The following NRXN3 variants were observed in gnomAD, a reference collection of about 807,000 sequenced individuals.
NRXN3 encodes neurexin 3.
Under a neutral mutation model 137.6 loss-of-function variants are expected in NRXN3, and 32 were observed. That is an observed-to-expected ratio of 0.23 (90% CI 0.18 to 0.31). The LOEUF is 0.31. Among genes scored for constraint, NRXN3 ranks in the 10% least tolerant of loss-of-function variants. NRXN3 has a pLI of 1.00. For synonymous variants in NRXN3, 798 were observed against 784.5 expected (o/e 1.02, Z -0.29); for missense variants, 1,574 against 2,062.5 (o/e 0.76, Z 4.59).
chr14:78,320,396 T>C (rs2079184882), intron 4 of NRXN3, among the ~76,000 whole-genome samples: 1 of 152,196 alleles, frequency 6.6e-6, no homozygotes, highest in Non-Finnish European at 1.5e-5. Context: ...GGCGTTAATC[T>C]CCTTTGAACA....
At chr14:79,450,773 C>T (rs1009015413) in intron 15 of NRXN3, among the ~76,000 whole-genome samples, 3 of 151,438 alleles carry the variant, frequency 2.0e-5, no homozygotes, top group South Asian at 2.1e-4. Flanking sequence ...GGCTGAGGCA[C>T]GAGAATCACT....
At chr14:78,370,352 G>A (rs1466101538) in intron 4 of NRXN3, among the ~76,000 whole-genome samples, 1 of 149,154 alleles carries the variant, frequency 6.7e-6, no homozygotes, top group Admixed American at 6.7e-5. Context: ...GTTTCCTCTT[G>A]AGATGTCCTT....
At chr14:79,363,004 A>ATT (rs11368184) in intron 15 of NRXN3, among the ~76,000 whole-genome samples, 68 of 143,050 alleles carry the variant, frequency 4.8e-4, no homozygotes, top group African/African-American at 1.6e-3. Flanking sequence ...TAGAATTGGA[A>ATT]TTTTTTTTTT....
intron 4 of NRXN3, among the ~76,000 whole-genome samples, chr14:78,524,815 A>G (rs2153806130): frequency 6.6e-6 from 1 of 152,290 alleles, no homozygotes; most frequent in Admixed American, 6.5e-5. Context: ...AAATGTTTTA[A>G]AATGGCATCA....
chr14:78,296,450 T>C (rs1171655590), intron 3 of NRXN3, among the ~76,000 whole-genome samples: 1 of 152,202 alleles, frequency 6.6e-6, no homozygotes, highest in Non-Finnish European at 1.5e-5. Context: ...TTTATTTCTA[T>C]GGAAGTTTCT....
At chr14:78,409,719 G>A (rs779189637) in intron 4 of NRXN3, among the ~76,000 whole-genome samples, 1 of 152,148 alleles carries the variant, frequency 6.6e-6, no homozygotes, top group Non-Finnish European at 1.5e-5. Flanking sequence ...CACACATAAG[G>A]AGCTTATTGA....
At chr14:79,222,379 A>T (rs1294310322) in intron 15 of NRXN3, among the ~76,000 whole-genome samples, 1 of 152,074 alleles carries the variant, frequency 6.6e-6, no homozygotes, top group Non-Finnish European at 1.5e-5. Context: ...CTGCTGAATA[A>T]TGTTCCCTTG....
rs1375832753 is a variant in NRXN3, at chr14:78,550,597, G to C, written c.758-94523G>C. 5.3e-5 allele frequency among the ~76,000 whole-genome samples: 8 copies of C among 151,906 alleles called. No homozygotes were observed. In the East Asian group the frequency reaches 1.4e-3, roughly 26 times the overall value. On this transcript the variant is annotated intron_variant, in intron 4 of 20. Transcript: ENST00000335750. ...AAGCACCAGTTGAGAATGTATTTTT[G>C]TGTGAGCAGGGTGTTATCAGTAAGG...
chr14:79,068,966 T>A (rs4903821), intron 15 of NRXN3, among the ~76,000 whole-genome samples: 89,305 of 151,898 alleles, frequency 0.59, 26,983 homozygotes, highest in East Asian at 0.81. Flanking sequence ...TTTGATTAAC[T>A]TGTTAATACT....
chr14:78,415,630 AGCATCCCTGCT>A (rs1337785046), intron 4 of NRXN3, among the ~76,000 whole-genome samples: 2 of 152,164 alleles, frequency 1.3e-5, no homozygotes, highest in African/African-American at 4.8e-5. Flanking sequence ...CCAAAGTGGA[AGCATCCCTGCT>A]GCTATGGACT....
intron 16 of NRXN3, among the ~76,000 whole-genome samples, chr14:79,617,587 A>G (rs1044934065): frequency 6.6e-5 from 10 of 152,154 alleles, no homozygotes; most frequent in African/African-American, 2.4e-4. Context: ...TAGCAGAAAC[A>G]GAGATCCACA....
intron 4 of NRXN3, among the ~76,000 whole-genome samples, chr14:78,616,356 C>T (rs1243046695): frequency 6.6e-6 from 1 of 152,164 alleles, no homozygotes; most frequent in East Asian, 1.9e-4. Context: ...TTTCTGCTCT[C>T]CCTCCCCTCC....
intron 16 of NRXN3, among the ~76,000 whole-genome samples, chr14:79,606,701 A>G (rs1206834245): frequency 2.6e-5 from 4 of 152,224 alleles, no homozygotes; most frequent in African/African-American, 7.2e-5. Context: ...TTGAGCATCT[A>G]TTACGTGCCA....
rs530063274 is a variant in NRXN3 at position 79,070,168 on chromosome 14, G to A, written c.3262+82027G>A. ...CTATGTTTGTTCGGGATAGCACCAC[G>A]CATCCTTTTAAATTGGTAGTTTGAC... On this transcript the variant is annotated intron_variant, in intron 15 of 20. Coordinates refer to ENST00000335750, the MANE Select transcript of NRXN3 (RefSeq NM_001330195.2). 6.6e-5 allele frequency among the ~76,000 whole-genome samples: 10 copies of A among 152,204 alleles called. No individual in the cohort carries two copies. In the South Asian group the frequency reaches 1.2e-3, roughly 19 times the overall value.
At chr14:78,839,272 G>A (rs1182807907) in intron 10 of NRXN3, among the ~76,000 whole-genome samples, 2 of 152,200 alleles carry the variant, frequency 1.3e-5, no homozygotes, top group Non-Finnish European at 2.9e-5. Flanking sequence ...GGCTAAGAAA[G>A]AGGGATGTGC....
At chr14:78,657,146 C>A (rs1366641976) in intron 6 of NRXN3, among the ~76,000 whole-genome samples, 1 of 149,850 alleles carries the variant, frequency 6.7e-6, no homozygotes, top group Non-Finnish European at 1.5e-5. Flanking sequence ...TTACTGCAGA[C>A]AACTGCTTCC....
chr14:79,261,988 C>A (rs2077675228), intron 15 of NRXN3, among the ~76,000 whole-genome samples: 1 of 151,994 alleles, frequency 6.6e-6, no homozygotes, highest in South Asian at 2.1e-4. Context: ...GGAAGCATGT[C>A]CTTGGAGCCC....
At chr14:79,523,334 A>G (rs1052328164) in intron 16 of NRXN3, among the ~76,000 whole-genome samples, 5 of 152,174 alleles carry the variant, frequency 3.3e-5, no homozygotes, top group African/African-American at 1.2e-4. Context: ...TACCTAAAGG[A>G]GCAAAGCTTT....
chr14:79,657,740 A>G (rs1019627504), intron 16 of NRXN3, among the ~76,000 whole-genome samples: 8 of 152,204 alleles, frequency 5.3e-5, no homozygotes, highest in African/African-American at 1.7e-4. Context: ...CAAAGTCAAA[A>G]TTGATCAATC....
Sources: allele counts gnomAD v4.1 joint callset (sites outside exome capture counted in the v4.1 genomes callset), GRCh38; gene constraint gnomAD v4.1.1; transcripts MANE v1.5; gene names NCBI Gene and HGNC (gene_info 2026-07-23, HGNC 2026-07-21).